NAB1: variants seen among roughly 807,000 people sequenced by gnomAD.
The protein encoded by NAB1 is NGFI-A-binding protein 1.
Under a neutral mutation model 49.9 loss-of-function variants are expected in NAB1, and 25 were observed. The ratio of observed to expected loss-of-function variants is 0.50; its 90% confidence interval spans 0.37 to 0.70. The LOEUF (loss-of-function observed/expected upper bound fraction) is 0.70, where lower values mean the gene tolerates loss of function less well. Ranked by LOEUF, NAB1 falls within the 30% of genes least tolerant of loss-of-function variation. The pLI, the probability that NAB1 is intolerant of heterozygous loss-of-function variation, is 0.00. For missense variants in NAB1, 489 were observed against 575.9 expected, an observed-to-expected ratio of 0.85 and a Z score of 1.54; for synonymous variants, 198 against 215.6, an observed-to-expected ratio of 0.92 and a Z score of 0.71.
rs767083344 is a variant in NAB1 at position 190,654,830 on chromosome 2, G to A, written c.-196-1147G>A. On this transcript the variant is annotated intron_variant, in intron 2 of 9. Coordinates refer to ENST00000337386, the MANE Select transcript of NAB1 (RefSeq NM_005966.4). The surrounding 1 kb of genome is among the most constrained non-coding windows in gnomAD (Gnocchi z 5.6). ...CCTAAGGACATGTAGATTTGAGGAAGAAAGAAGAAAAAGCAAAAATGGAAT... is the reference window on the plus strand; with the variant it reads ...CCTAAGGACATGTAGATTTGAGGAAAAAAGAAGAAAAAGCAAAAATGGAAT... 1.3e-5 allele frequency among the ~76,000 whole-genome samples: 2 copies of A among 152,006 alleles called. No individual in the cohort carries two copies. The highest frequency in any genetic ancestry group is 2.9e-5 in the Non-Finnish European group (2 of 68,000).
At chr2:190,662,680 C>A (rs1340769266) in intron 4 of NAB1, among the ~76,000 whole-genome samples, 4 of 152,170 alleles carry the variant, frequency 2.6e-5, no homozygotes, top group Admixed American at 6.5e-5. Flanking sequence ...GCAACTAAAA[C>A]TTGGGAACAG....
At position 190,673,325 on chromosome 2, in the gene NAB1, C is replaced by T. The variant is rs1694912345; in HGVS notation, c.1005+173C>T. 1.5e-5 allele frequency: 10 copies of T among 658,632 alleles called. No individual in the cohort carries two copies. The East Asian group carries it at 2.3e-4, about 15-fold the overall frequency. 40.8% of individuals were successfully genotyped at this position (658,632 alleles called of 1,614,324 possible). On this transcript the variant is annotated intron_variant, in intron 6 of 9. Transcript: ENST00000337386. ...TTGTTACCTTGAAATACAATATTTA[C>T]AGTAATTTGAATTAGCAGACCAAGG...
rs1695570563 is a variant in NAB1, at chr2:190,685,646, T to C, written c.1258+8T>C. The stretch of plus-strand genomic sequence containing the variant: ...ATAACTCAGATGGACAAGGTACATC[T>C]TTAGAATATCCTATGCCTTTAGGGC... On this transcript the variant is annotated splice_region_variant and intron_variant, in intron 8 of 9. Transcript: ENST00000337386. This position sits in a 1 kb window ranked among gnomAD's most constrained non-coding sequence, Gnocchi z 4.5. The C allele has an allele frequency of 1.3e-6, 2 of 1,594,194 alleles. No individual in the cohort carries two copies. Among genetic ancestry groups the C allele is most frequent in the Non-Finnish European group, 8.5e-7 (1 of 1,170,616 alleles).
rs1024556864 is a variant in NAB1, at chr2:190,651,693, A to T, written c.-197+1711A>T. Among the ~76,000 whole-genome samples, 5 of 152,200 alleles carry T rather than the reference A, an allele frequency of 3.3e-5. No homozygotes were observed. Among genetic ancestry groups the T allele is most frequent in the African/African-American group, 1.2e-4 (5 of 41,448 alleles). On this transcript the variant is annotated intron_variant, in intron 2 of 9. Coordinates refer to ENST00000337386, the MANE Select transcript of NAB1 (RefSeq NM_005966.4). This position sits in a 1 kb window ranked among gnomAD's most constrained non-coding sequence, Gnocchi z 4.3. ...AGACTTAGGACTCATTTATTCCATT[A>T]TAACAAGCCTGGAGCTGTTTTTTGT...
rs113334849 is a variant in NAB1, at chr2:190,677,428, G to C, written c.1005+4276G>C. On this transcript the variant is annotated intron_variant, in intron 6 of 9. Coordinates refer to ENST00000337386, the MANE Select transcript of NAB1 (RefSeq NM_005966.4). This position sits in a 1 kb window ranked among gnomAD's most constrained non-coding sequence, Gnocchi z 5.6. ...AAATCTCTAGGGAAACGTTTCTTCA[G>C]CTAGTTAGTAAGTGAGGTTGGAATC... 1 of 152,184 alleles carries C rather than the reference G, an allele frequency of 6.6e-6. No homozygotes were observed. Among genetic ancestry groups the C allele is most frequent in the African/African-American group, 2.4e-5 (1 of 41,444 alleles). The allele number at this position is 152,184 out of a possible 1,614,324, so 9.4% of individuals were successfully genotyped here.
In NAB1 at chr2:190,659,567, G is replaced by T. The variant is rs149773783; in HGVS notation, c.391G>T (p.Ala131Ser). 12 of 1,614,128 alleles carry T rather than the reference G, an allele frequency of 7.4e-6. No individual in the cohort carries two copies. The South Asian group carries it at 1.3e-4, about 18-fold the overall frequency. Residue 131 changes from alanine to serine, a missense_variant, in exon 4 of 10, where the codon GCT becomes TCT. Coordinates refer to ENST00000337386, the MANE Select transcript of NAB1 (RefSeq NM_005966.4). This position sits in a 1 kb window ranked among gnomAD's most constrained non-coding sequence, Gnocchi z 6.2. ...ACCTCATTTAAAAATCCCCAAATGT[G>T]CTGCCACCACCTGTGTGCAGAGCTT... ...REPHLKIPKC[A>S]ATTCVQSLGQ...
In NAB1 at chr2:190,686,288, C is replaced by T. The variant is rs1468815971; in HGVS notation, c.1258+650C>T. 6.6e-6 allele frequency among the ~76,000 whole-genome samples: 1 copy of T among 152,100 alleles called. No homozygotes were observed. The highest frequency in any genetic ancestry group is 1.5e-5 in the Non-Finnish European group (1 of 68,012). ...GGAACAAATCCCTGTTTACCTGGAG[C>T]TTACATGTAGTGGAGGGAGATGTAC... On this transcript the variant is annotated intron_variant, in intron 8 of 9. Transcript: ENST00000337386. The surrounding 1 kb of genome is among the most constrained non-coding windows in gnomAD (Gnocchi z 5.5).
rs1695809878 is a variant in NAB1, at chr2:190,689,511, T to A, written c.1376-734T>A. Among the ~76,000 whole-genome samples the A allele has an allele frequency of 6.6e-6, 1 of 152,182 alleles. No individual in the cohort carries two copies. Among genetic ancestry groups the A allele is most frequent in the Non-Finnish European group, 1.5e-5 (1 of 68,024 alleles). Reference sequence around the variant, plus strand: ...CTTTCTAGAATCCAAGGTGTGAGTGTATGTGATGTGGATGTTTGCATGTAT... The same window carrying A: ...CTTTCTAGAATCCAAGGTGTGAGTGAATGTGATGTGGATGTTTGCATGTAT... On this transcript the variant is annotated intron_variant, in intron 9 of 9. Coordinates refer to ENST00000337386, the MANE Select transcript of NAB1 (RefSeq NM_005966.4). The surrounding 1 kb of genome is among the most constrained non-coding windows in gnomAD (Gnocchi z 4.3).
rs904751148 is a variant in NAB1 at position 190,652,004 on chromosome 2, A to G, written c.-197+2022A>G. ...TTTTATCCTTTTCAACAGTAGAATG[A>G]AGAATGGTACAATTGTTATATTAAG... is the stretch of plus-strand genomic sequence containing the variant. On this transcript the variant is annotated intron_variant, in intron 2 of 9. Transcript: ENST00000337386. This position sits in a 1 kb window ranked among gnomAD's most constrained non-coding sequence, Gnocchi z 4.2. 2.0e-5 allele frequency among the ~76,000 whole-genome samples: 3 copies of G among 152,194 alleles called. No homozygotes were observed. Among genetic ancestry groups the G allele is most frequent in the Admixed American group, 1.3e-4 (2 of 15,280 alleles).
rs557883859 is a variant in NAB1, at chr2:190,673,161, A to G, written c.1005+9A>G. On this transcript the variant is annotated intron_variant, in intron 6 of 9. Transcript: ENST00000337386. ...AGAGAATTAAAGTGGAGGTATGGTC[A>G]TATGTTACATTTTCTTATGCTGATA... 2.8e-5 allele frequency: 45 copies of G among 1,610,172 alleles called. No individual in the cohort carries two copies. In the South Asian group the frequency reaches 4.1e-4, roughly 15 times the overall value.
At position 190,666,560 on chromosome 2, in the gene NAB1, T is replaced by A. The variant is rs60494084; in HGVS notation, c.820-3766T>A. Among the ~76,000 whole-genome samples the A allele has an allele frequency of 4.5e-3, 683 of 151,916 alleles. 7 individuals are homozygous for A. The highest frequency in any genetic ancestry group is 0.016 in the African/African-American group (653 of 41,428). The stretch of plus-strand genomic sequence containing the variant: ...CGTCTGTACTAAAAATACAAAAAAA[T>A]TGGCTGGGCATGGTGGCACATGCCT... On this transcript the variant is annotated intron_variant, in intron 4 of 9. Transcript: ENST00000337386. This position sits in a 1 kb window ranked among gnomAD's most constrained non-coding sequence, Gnocchi z 5.6.
In NAB1 at chr2:190,685,302, A is replaced by AACATGATGATATAG. The variant is rs1194605530; in HGVS notation, c.1096-169_1096-156dup. 6.6e-6 allele frequency among the ~76,000 whole-genome samples: 1 copy of AACATGATGATATAG among 152,264 alleles called. No individual in the cohort carries two copies. Among genetic ancestry groups the AACATGATGATATAG allele is most frequent in the African/African-American group, 2.4e-5 (1 of 41,474 alleles). On this transcript the variant is annotated intron_variant, in intron 7 of 9. Coordinates refer to ENST00000337386, the MANE Select transcript of NAB1 (RefSeq NM_005966.4). The surrounding 1 kb of genome is among the most constrained non-coding windows in gnomAD (Gnocchi z 4.5). Reference sequence around the variant, plus strand: ...TACAATATCCAGCCTTTTATGTTTTAACATGATGATATAGACATCTATGCA... The same window carrying AACATGATGATATAG: ...TACAATATCCAGCCTTTTATGTTTTAACATGATGATATAGACATGATGATATAGACATCTATGCA...
intron 4 of NAB1, among the ~76,000 whole-genome samples, chr2:190,665,868 G>GGT (rs1186482919): frequency 1.3e-5 from 2 of 152,016 alleles, no homozygotes; most frequent in African/African-American, 4.8e-5. Flanking sequence ...CCTTACATTG[G>GGT]GTGTGTGTGG....
At position 190,684,393 on chromosome 2, in the gene NAB1, C is replaced by T. The variant is rs1695504453; in HGVS notation, c.1095+566C>T. 6.6e-6 allele frequency among the ~76,000 whole-genome samples: 1 copy of T among 152,038 alleles called. No individual in the cohort carries two copies. Among genetic ancestry groups the T allele is most frequent in the African/African-American group, 2.4e-5 (1 of 41,382 alleles). On this transcript the variant is annotated intron_variant, in intron 7 of 9. Transcript: ENST00000337386. This position sits in a 1 kb window ranked among gnomAD's most constrained non-coding sequence, Gnocchi z 4.6. Reference sequence around the variant, plus strand: ...AACTTTTATTCCTATTGAACAGCTTCTTTGTAATAAGTTGCTTTTGATCAA... The same window carrying T: ...AACTTTTATTCCTATTGAACAGCTTTTTTGTAATAAGTTGCTTTTGATCAA...
At chr2:190,668,689 G>A (rs1694648984) in intron 4 of NAB1, among the ~76,000 whole-genome samples, 1 of 152,118 alleles carries the variant, frequency 6.6e-6, no homozygotes, top group South Asian at 2.1e-4. Context: ...ATGATTGCAT[G>A]CTATTTATTT....
chr2:190,688,739 TGAAAAA>T (rs1695749239), intron 9 of NAB1, among the ~76,000 whole-genome samples: 1 of 152,194 alleles, frequency 6.6e-6, no homozygotes. Flanking sequence ...AAGAAATGCC[TGAAAAA>T]GCGTCTTTCT....
At chr2:190,664,488 A>G (rs986254069) in intron 4 of NAB1, among the ~76,000 whole-genome samples, 40 of 149,222 alleles carry the variant, frequency 2.7e-4, no homozygotes, top group African/African-American at 9.4e-4. Context: ...GACCACAGGC[A>G]TGTGCCACCA....
In NAB1 at chr2:190,651,680, C is replaced by T. The variant is rs1025643254; in HGVS notation, c.-197+1698C>T. Among the ~76,000 whole-genome samples, 1 of 152,068 alleles carries T rather than the reference C, an allele frequency of 6.6e-6. No homozygotes were observed. The highest frequency in any genetic ancestry group is 1.5e-5 in the Non-Finnish European group (1 of 68,004). ...TTTCATTGGCCTAAGACTTAGGACT[C>T]ATTTATTCCATTATAACAAGCCTGG... On this transcript the variant is annotated intron_variant, in intron 2 of 9. Transcript: ENST00000337386. The surrounding 1 kb of genome is among the most constrained non-coding windows in gnomAD (Gnocchi z 4.3).
chr2:190,655,496 A>G (rs1398225586), intron 2 of NAB1, among the ~76,000 whole-genome samples: 5 of 152,368 alleles, frequency 3.3e-5, no homozygotes, highest in South Asian at 4.1e-4. Flanking sequence ...GGAAAAACAA[A>G]TAATATAGCA....
Sources: gnomAD v4.1 joint callset for allele counts (sites outside exome capture counted in the v4.1 genomes callset) on GRCh38, gnomAD v4.1.1 for gene constraint, Gnocchi (gnomAD v3.1) non-coding constraint, MANE v1.5 for transcripts, NCBI Gene and HGNC (gene_info 2026-07-23, HGNC 2026-07-21) for gene names.